The following PTPRN2 variants were observed in gnomAD, a reference collection of about 807,000 sequenced individuals.
PTPRN2 encodes the protein receptor-type tyrosine-protein phosphatase N2.
Under a neutral mutation model 118.8 loss-of-function variants are expected in PTPRN2, and 74 were observed. The observed-to-expected ratio is 0.62, with a 90% confidence interval of 0.52 to 0.76. The LOEUF is 0.76. PTPRN2 is among the 30% of genes least tolerant of loss of function. The pLI is 0.00. For synonymous variants in PTPRN2, 641 were observed against 608.0 expected, an observed-to-expected ratio of 1.05 and a Z score of -0.80; for missense variants, 1,481 against 1,394.4, an observed-to-expected ratio of 1.06 and a Z score of -0.99.
chr7:158,584,690 C>T (rs1040018334), intron 1 of PTPRN2, among the ~76,000 whole-genome samples: 1 of 152,186 alleles, frequency 6.6e-6, no homozygotes, highest in South Asian at 2.1e-4. Context: ...AGTGAGACTT[C>T]CACTACCACA....
chr7:158,222,223 G>A (rs965948460), intron 3 of PTPRN2, among the ~76,000 whole-genome samples: 1 of 152,066 alleles, frequency 6.6e-6, no homozygotes, highest in East Asian at 1.9e-4. Context: ...TCCCAGTATG[G>A]GCATATAGCC....
chr7:158,126,056 C>G (rs1299457311), intron 9 of PTPRN2, among the ~76,000 whole-genome samples: 1 of 145,664 alleles, frequency 6.9e-6, no homozygotes, highest in Non-Finnish European at 1.5e-5. Flanking sequence ...CACCAGCCCC[C>G]AGGACAGCGG....
intron 3 of PTPRN2, among the ~76,000 whole-genome samples, chr7:158,292,461 T>C (rs1352099291): frequency 6.6e-6 from 1 of 152,232 alleles, no homozygotes; most frequent in Non-Finnish European, 1.5e-5. Flanking sequence ...TGCAAGCTTT[T>C]AAAGCATTCA....
intron 3 of PTPRN2, among the ~76,000 whole-genome samples, chr7:158,262,771 TTC>T (rs1797561809): frequency 8.1e-6 from 1 of 123,726 alleles, no homozygotes; most frequent in Non-Finnish European, 1.7e-5. Context: ...CACACACACA[TTC>T]ACACACACTA....
intron 12 of PTPRN2, among the ~76,000 whole-genome samples, chr7:157,775,483 G>A (rs1239072552): frequency 1.3e-5 from 2 of 152,250 alleles, no homozygotes; most frequent in Non-Finnish European, 2.9e-5. Context: ...GGAGGCGGCA[G>A]CGTGAGAAGC....
chr7:158,471,805 A>G (rs1819876238), intron 2 of PTPRN2, among the ~76,000 whole-genome samples: 1 of 152,258 alleles, frequency 6.6e-6, no homozygotes, highest in East Asian at 1.9e-4. Flanking sequence ...CTGAATTGAA[A>G]AGCAACCAAG....
chr7:158,491,296 C>T (rs556369443), intron 1 of PTPRN2, among the ~76,000 whole-genome samples: 2 of 152,292 alleles, frequency 1.3e-5, no homozygotes, highest in Admixed American at 1.3e-4. Flanking sequence ...TGCTTCCTCC[C>T]AGGAGGTGGC....
intron 12 of PTPRN2, among the ~76,000 whole-genome samples, chr7:157,888,062 G>GC (rs1796588940): frequency 6.6e-6 from 1 of 151,226 alleles, no homozygotes; most frequent in African/African-American, 2.4e-5. Flanking sequence ...TGTCTTGGGG[G>GC]GTGTGAGTGA....
chr7:158,209,311 C>G (rs1167293462), intron 3 of PTPRN2, among the ~76,000 whole-genome samples: 1 of 152,044 alleles, frequency 6.6e-6, no homozygotes, highest in Non-Finnish European at 1.5e-5. Flanking sequence ...AAAAGACACA[C>G]TTCACCTATA....
At chr7:158,116,626 T>C (rs2150382610) in intron 9 of PTPRN2, among the ~76,000 whole-genome samples, 1 of 152,336 alleles carries the variant, frequency 6.6e-6, no homozygotes, top group Middle Eastern at 3.4e-3. Context: ...ATCACAGAGG[T>C]GCAGGAAAGG....
chr7:158,236,032 TGAA>T lies in PTPRN2; in HGVS notation c.278-30762_278-30760del, dbSNP rs556617681. Among the ~76,000 whole-genome samples the T allele has an allele frequency of 1.6e-4, 24 of 152,192 alleles. No homozygotes were observed. The South Asian group carries it at 4.1e-3, about 26-fold the overall frequency. The stretch of plus-strand genomic sequence containing the variant: ...GTCGTGGGGGAAACTGCAGGGTGAC[TGAA>T]GAAGGAGAATCCCAGAACTCCCCCA... On this transcript the variant is annotated intron_variant, in intron 3 of 22. Coordinates refer to ENST00000389418, the MANE Select transcript of PTPRN2 (RefSeq NM_002847.5).
rs866434004 is a variant in PTPRN2, at chr7:157,632,879, T to G, written c.2197-11370A>C. Among the ~76,000 whole-genome samples, 1 of 152,212 alleles carries G rather than the reference T, an allele frequency of 6.6e-6. No individual in the cohort carries two copies. The highest frequency in any genetic ancestry group is 1.5e-5 in the Non-Finnish European group (1 of 68,042). On this transcript the variant is annotated intron_variant, in intron 14 of 22. Transcript: ENST00000389418. The surrounding 1 kb of genome is among the most constrained non-coding windows in gnomAD (Gnocchi z 4.3). ...CCATAAATGTACAGCTATTAATATT[T>G]AAATTTAGGGCAAAAGAGGTCTGCT...
intron 11 of PTPRN2, among the ~76,000 whole-genome samples, chr7:157,996,155 T>G (rs555540118): frequency 2.7e-4 from 41 of 152,338 alleles, no homozygotes; most frequent in African/African-American, 9.1e-4. Flanking sequence ...CTGGAGCCAT[T>G]ATCTTGAGTG....
At chr7:158,145,580 C>T (rs945153197) in intron 6 of PTPRN2, among the ~76,000 whole-genome samples, 1 of 152,226 alleles carries the variant, frequency 6.6e-6, no homozygotes, top group Admixed American at 6.5e-5. Flanking sequence ...GGCCATCAGG[C>T]ACGGCGGGAA....
intron 3 of PTPRN2, among the ~76,000 whole-genome samples, chr7:158,215,069 TGAGA>T (rs748453804): frequency 5.3e-5 from 8 of 152,128 alleles, no homozygotes; most frequent in Non-Finnish European, 1.0e-4. Context: ...TAAAATTGCC[TGAGA>T]AAGATTTTAA....
chr7:157,865,194 G>C (rs986796684), intron 12 of PTPRN2: 1 of 152,418 alleles, frequency 6.6e-6, no homozygotes, highest in Admixed American at 6.5e-5. Flanking sequence ...GGTGAGACGG[G>C]AGCCGGGCAC....
intron 3 of PTPRN2, among the ~76,000 whole-genome samples, chr7:158,258,810 A>G (rs11773209): frequency 0.4 from 61,271 of 152,024 alleles, 12,846 homozygotes; most frequent in African/African-American, 0.51. Context: ...AGGGAGGAAC[A>G]TTTGGGGATC....
chr7:158,496,019 G>GT (rs1307188701), intron 1 of PTPRN2, among the ~76,000 whole-genome samples: 1 of 151,962 alleles, frequency 6.6e-6, no homozygotes, highest in African/African-American at 2.4e-5. Flanking sequence ...GTGGCTTGCG[G>GT]ACAGGGCTTG....
chr7:157,828,535 C>T (rs1156819172), intron 12 of PTPRN2, among the ~76,000 whole-genome samples: 1 of 152,002 alleles, frequency 6.6e-6, no homozygotes, highest in African/African-American at 2.4e-5. Context: ...CACAGCAAGA[C>T]CCTGAGAGAC....
Sources: gnomAD v4.1 joint callset for allele counts (sites outside exome capture counted in the v4.1 genomes callset) on GRCh38, gnomAD v4.1.1 for gene constraint, Gnocchi (gnomAD v3.1) non-coding constraint, MANE v1.5 for transcripts, NCBI Gene and HGNC (gene_info 2026-07-23, HGNC 2026-07-21) for gene names.